Variants in DHX37 observed in about 807,000 individuals in gnomAD.
DHX37 encodes DEAH-box helicase 37.
DHX37 carries 52 observed loss-of-function variants against 134.3 expected under a neutral mutation model. That is an observed-to-expected ratio of 0.39 (90% CI 0.31 to 0.49). DHX37 has a LOEUF of 0.49. DHX37 is among the 20% of genes least tolerant of loss of function. The probability of loss-of-function intolerance (pLI) is 0.93; values close to 1 mark genes in which losing one functional copy is unlikely to be tolerated. For missense variants in DHX37, 1,344 were observed against 1,580.8 expected, an observed-to-expected ratio of 0.85 and a Z score of 2.54; for synonymous variants, 634 against 670.7, an observed-to-expected ratio of 0.95 and a Z score of 0.85.
chr12:124,988,815 C>A, intron 1 of DHX37, 102 bp downstream of exon 1: 1 of 608,370 alleles, frequency 1.6e-6, no homozygotes, highest in East Asian at 3.3e-5. Flanking sequence ...TCCAGATGAT[C>A]CATCCCACCC....
At chr12:124,955,097 C>A (rs956371754) in intron 18 of DHX37, among the ~76,000 whole-genome samples, 1 of 152,218 alleles carries the variant, frequency 6.6e-6, no homozygotes, top group Non-Finnish European at 1.5e-5. Flanking sequence ...GAGGCCAAGA[C>A]ACCTGGTTTT....
At position 124,972,089 on chromosome 12, in the gene DHX37, A is replaced by C. The variant is rs185162686; in HGVS notation, c.1077+414T>G. On this transcript the variant is annotated intron_variant, in intron 7 of 26. Transcript: ENST00000308736. ...TCTGGTGCTGCCCCTCACCAAACGC[A>C]ACTGGACTCGAAGCTCCCAAGAGGG... is the stretch of plus-strand genomic sequence containing the variant. Among the ~76,000 whole-genome samples, 1,148 of 152,320 alleles carry C rather than the reference A, an allele frequency of 7.5e-3. 11 individuals carry two copies. Among genetic ancestry groups the C allele is most frequent in the African/African-American group, 0.026 (1,096 of 41,562 alleles).
chr12:124,968,501 G>A (rs747388314), intron 10 of DHX37, 33 bp downstream of exon 10: 2 of 1,607,726 alleles, frequency 1.2e-6, no homozygotes, highest in South Asian at 2.2e-5. Context: ...TAGGAAGGGA[G>A]GCTTCTTTCC....
intron 5 of DHX37, among the ~76,000 whole-genome samples, chr12:124,975,882 T>C (rs1469781121): frequency 6.6e-6 from 1 of 152,188 alleles, no homozygotes; most frequent in Non-Finnish European, 1.5e-5. Flanking sequence ...GACCTGCAGC[T>C]GCTCTCCCTC....
In DHX37 at chr12:124,947,511, C is replaced by G. The variant is rs758642542; in HGVS notation, c.*291G>C. Reference sequence around the variant, plus strand: ...TCCAGCCCTGCTGCTCCACAGGGGACTAATGTAGTCCAAAGAGCACACTGA... The same window carrying G: ...TCCAGCCCTGCTGCTCCACAGGGGAGTAATGTAGTCCAAAGAGCACACTGA... On this transcript the variant is annotated 3_prime_UTR_variant, in exon 27 of 27. Transcript: ENST00000308736. The G allele has an allele frequency of 1.2e-5, 4 of 334,866 alleles. No homozygotes were observed. Among genetic ancestry groups the G allele is most frequent in the African/African-American group, 2.1e-5 (1 of 47,804 alleles). 20.7% of individuals were successfully genotyped at this position (334,866 alleles called of 1,614,324 possible).
intron 20 of DHX37, 142 bp downstream of exon 20, chr12:124,953,738 A>G (rs1459542147): frequency 1.5e-6 from 2 of 1,367,752 alleles, no homozygotes; most frequent in Non-Finnish European, 1.9e-6. Flanking sequence ...AAGCTCCCCA[A>G]GTATTGATTT....
rs1363738009 is a variant in DHX37, at chr12:124,968,600, G to T, written c.1342C>A (p.Pro448Thr). Reference sequence around the variant, plus strand: ...CACTCGCCACTGTAGTCTTCCAGCGGTGTCCGCTTGTTGAAATGCACAGTC... The same window carrying T: ...CACTCGCCACTGTAGTCTTCCAGCGTTGTCCGCTTGTTGAAATGCACAGTC... Reference protein sequence around the residue: ...PVTVHFNKRTPLEDYSGECFR... With the variant: ...PVTVHFNKRTTLEDYSGECFR... Residue 448 changes from proline to threonine, a missense_variant, in exon 10 of 27, where the codon CCG becomes ACG. Around this residue, in one of 7 missense-constraint regions of DHX37, gnomAD observed 289 missense variants for 323.8 expected, o/e 0.89. Coordinates refer to ENST00000308736, the MANE Select transcript of DHX37 (RefSeq NM_032656.4). 1.9e-6 allele frequency: 3 copies of T among 1,614,026 alleles called. No homozygotes were observed. Among genetic ancestry groups the T allele is most frequent in the Admixed American group, 1.7e-5 (1 of 60,012 alleles).
chr12:124,981,850 G>A (rs1032085307), intron 3 of DHX37, among the ~76,000 whole-genome samples: 73 of 151,916 alleles, frequency 4.8e-4, no homozygotes, highest in African/African-American at 1.6e-3. Context: ...CCAGTCGGGC[G>A]CGGTGGCTCA....
At chr12:124,948,968 C>T (rs1356580723) in intron 25 of DHX37, among the ~76,000 whole-genome samples, 1 of 152,202 alleles carries the variant, frequency 6.6e-6, no homozygotes, top group East Asian at 1.9e-4. Context: ...TCTGTGCATG[C>T]AACTTGTCTC....
Position 124,980,613 on chromosome 12 carries a change from G to A in DHX37, c.615C>T (p.Pro205=). ...TVAPLPPAPA[P]SSQPVPAGMT... ...TCCCAGCCGGCACGGGCTGACTGCT[G>A]GGTGCTGGAGCTGGCGGCAGAGGTG... The change falls in exon 4 of 27, where the codon CCC becomes CCT. Residue 205 remains proline (P), a synonymous_variant. Transcript: ENST00000308736. This position sits in a 1 kb window ranked among gnomAD's most constrained non-coding sequence, Gnocchi z 5.3. 6.2e-7 allele frequency: 1 copy of A among 1,609,930 alleles called. No homozygotes were observed. Among genetic ancestry groups the A allele is most frequent in the Non-Finnish European group, 8.5e-7 (1 of 1,179,696 alleles).
intron 20 of DHX37, chr12:124,953,655 TG>T: frequency 2.8e-6 from 2 of 721,378 alleles, no homozygotes; most frequent in Non-Finnish European, 4.3e-6. Flanking sequence ...GACGACCTGG[TG>T]GGGGAGGGTG....
chr12:124,967,639 C>A (rs1467980445), intron 10 of DHX37, among the ~76,000 whole-genome samples: 1 of 152,190 alleles, frequency 6.6e-6, no homozygotes, highest in East Asian at 1.9e-4. Flanking sequence ...ATAAGCAGAG[C>A]AAGGACAGAG....
At chr12:124,959,839 AC>A (rs1314242821) in intron 16 of DHX37, among the ~76,000 whole-genome samples, 1 of 152,216 alleles carries the variant, frequency 6.6e-6, no homozygotes, top group African/African-American at 2.4e-5. Context: ...AAAAACCTTC[AC>A]TTCCCTGCCT....
chr12:124,986,335 C>A, intron 1 of DHX37, 70 bp from the exon 2 acceptor site: 1 of 1,565,856 alleles, frequency 6.4e-7, no homozygotes, highest in Middle Eastern at 1.7e-4. Context: ...CACAAGCCCC[C>A]TGACTTGCAT....
intron 21 of DHX37, among the ~76,000 whole-genome samples, chr12:124,951,011 C>T (rs946839053): frequency 6.6e-6 from 1 of 152,224 alleles, no homozygotes; most frequent in Non-Finnish European, 1.5e-5. Flanking sequence ...TGGCTCACGC[C>T]TGTAATCCCA....
intron 15 of DHX37, among the ~76,000 whole-genome samples, chr12:124,961,306 GCA>G (rs1227350147): frequency 2.1e-5 from 3 of 145,326 alleles, no homozygotes; most frequent in Admixed American, 2.0e-4. Flanking sequence ...GTGCACGCAC[GCA>G]CACACACTTA....
chr12:124,950,991 C>A (rs1055305599), intron 21 of DHX37, among the ~76,000 whole-genome samples, 187 bp from the exon 22 acceptor site: 12 of 152,232 alleles, frequency 7.9e-5, no homozygotes, highest in Admixed American at 7.2e-4. Flanking sequence ...GAAGGAAGTG[C>A]CGGGTGCAAT....
At chr12:124,973,625 G>A (rs950483047) in intron 6 of DHX37, among the ~76,000 whole-genome samples, 4 of 108,350 alleles carry the variant, frequency 3.7e-5, no homozygotes, top group Admixed American at 2.0e-4. Flanking sequence ...ATGTATATGC[G>A]CCCCCCCCAA....
At chr12:124,967,534 G>A (rs1954415693) in intron 10 of DHX37, among the ~76,000 whole-genome samples, 1 of 152,192 alleles carries the variant, frequency 6.6e-6, no homozygotes, top group Non-Finnish European at 1.5e-5. Context: ...GCTGCCCTGA[G>A]ACCTGAGGCT....
Sources: gnomAD v4.1 joint callset for allele counts (sites outside exome capture counted in the v4.1 genomes callset) on GRCh38, gnomAD v4.1.1 for gene constraint, gnomAD v4.1.1 regional missense constraint, Gnocchi (gnomAD v3.1) non-coding constraint, MANE v1.5 for transcripts, NCBI Gene and HGNC (gene_info 2026-07-23, HGNC 2026-07-21) for gene names.